The following MSI2 variants were observed in gnomAD, a reference collection of about 807,000 sequenced individuals.
The protein encoded by MSI2 is musashi RNA binding protein 2, also known as RNA-binding protein Musashi homolog 2.
Under a neutral mutation model 45.6 loss-of-function variants are expected in MSI2, and 17 were observed. The ratio of observed to expected loss-of-function variants is 0.37; its 90% CI spans 0.26 to 0.56. The LOEUF (loss-of-function observed/expected upper bound fraction) is 0.56, where lower values mean the gene tolerates loss of function less well. MSI2 is among the 20% of genes least tolerant of loss of function. The pLI, the probability that MSI2 is intolerant of heterozygous loss-of-function variation, is 0.77. For missense variants in MSI2, 293 were observed against 444.2 expected (o/e 0.66, Z 3.06); for synonymous variants, 156 against 158.2 (o/e 0.99, Z 0.11).
chr17:57,653,392 T>C (rs565571678), intron 11 of MSI2, among the ~76,000 whole-genome samples: 1 of 152,116 alleles, frequency 6.6e-6, no homozygotes, highest in South Asian at 2.1e-4. Flanking sequence ...GGCAGGCAGG[T>C]CCAGAGAGTG....
chr17:57,554,148 G>A (rs1047959013), intron 7 of MSI2, among the ~76,000 whole-genome samples: 2 of 151,720 alleles, frequency 1.3e-5, no homozygotes, highest in African/African-American at 2.4e-5. Flanking sequence ...GCTGGTAAAC[G>A]CTGCTTTGTT....
intron 5 of MSI2, among the ~76,000 whole-genome samples, chr17:57,395,216 G>C (rs1479552745): frequency 6.6e-6 from 1 of 152,174 alleles, no homozygotes; most frequent in Non-Finnish European, 1.5e-5. Context: ...CTATGTCCAG[G>C]ATAACTTCAT....
chr17:57,494,016 G>A (rs548072406), intron 6 of MSI2, among the ~76,000 whole-genome samples: 9 of 152,240 alleles, frequency 5.9e-5, no homozygotes, highest in East Asian at 1.9e-4. Flanking sequence ...TTGTACCCTC[G>A]GGGTTCTGCC....
At chr17:57,694,109 T>A in the MSI2 span, among the ~76,000 whole-genome samples, 1 of 152,216 alleles carries the variant, frequency 6.6e-6, no homozygotes, top group Non-Finnish European at 1.5e-5. Flanking sequence ...AGTTGAATAG[T>A]TGCAACAGAG....
rs1262317057 is a variant in MSI2, at chr17:57,357,883, TGA to T, written c.313-43494_313-43493del. ...AAGGTGCTCTGTTGTTTCTCTTGACTGAGTCTTTGCCCTTACCTTTGACCTTA... is the reference window on the plus strand; with the variant it reads ...AAGGTGCTCTGTTGTTTCTCTTGACTGTCTTTGCCCTTACCTTTGACCTTA... On this transcript the variant is annotated intron_variant, in intron 5 of 13. Transcript: ENST00000284073. 2.0e-5 allele frequency among the ~76,000 whole-genome samples: 3 copies of T among 152,236 alleles called. 1 individual carries two copies. In the East Asian group the frequency reaches 5.8e-4, roughly 29 times the overall value.
chr17:57,689,146 A>G (rs988542333), downstream of MSI2, among the ~76,000 whole-genome samples: 2 of 151,366 alleles, frequency 1.3e-5, no homozygotes, highest in African/African-American at 4.9e-5. Context: ...GGGAAGAGAA[A>G]GTCAATTGTA....
intron 7 of MSI2, among the ~76,000 whole-genome samples, chr17:57,568,644 T>A (rs2087797172): frequency 6.6e-6 from 1 of 152,240 alleles, no homozygotes; most frequent in Non-Finnish European, 1.5e-5. Context: ...TTCTTTTTCC[T>A]GATAGAGGCC....
At chr17:57,333,587 G>A (rs1218511973) in intron 5 of MSI2, among the ~76,000 whole-genome samples, 1 of 151,990 alleles carries the variant, frequency 6.6e-6, no homozygotes, top group South Asian at 2.1e-4. Flanking sequence ...ACAGGTGTGT[G>A]CCACCACACC....
At chr17:57,617,977 A>C (rs930489267) in intron 9 of MSI2, 4 of 152,174 alleles carry the variant, frequency 2.6e-5, no homozygotes, top group Non-Finnish European at 5.9e-5. Flanking sequence ...AAGCTGAAGC[A>C]GGAGAATCGC....
At chr17:57,502,838 C>G (rs1410282618) in intron 6 of MSI2, among the ~76,000 whole-genome samples, 1 of 151,846 alleles carries the variant, frequency 6.6e-6, no homozygotes, top group Non-Finnish European at 1.5e-5. Flanking sequence ...TACAGCCCAC[C>G]CTCCATGGCC....
At chr17:57,378,029 T>G (rs1309207884) in intron 5 of MSI2, among the ~76,000 whole-genome samples, 1 of 149,530 alleles carries the variant, frequency 6.7e-6, no homozygotes, top group African/African-American at 2.5e-5. Context: ...GAACCGAGAT[T>G]GCACCACTGC....
At chr17:57,585,113 G>T (rs987190552) in intron 7 of MSI2, among the ~76,000 whole-genome samples, 5 of 151,980 alleles carry the variant, frequency 3.3e-5, no homozygotes, top group Non-Finnish European at 7.4e-5. Context: ...CCACCACCAC[G>T]CCCAGCCCTC....
intron 6 of MSI2, among the ~76,000 whole-genome samples, chr17:57,443,066 G>A (rs1030742461): frequency 1.3e-5 from 2 of 152,132 alleles, no homozygotes; most frequent in South Asian, 2.1e-4. Context: ...TACCGTTTGC[G>A]GCCTGTCTGC....
chr17:57,486,831 C>T (rs1006618746), intron 6 of MSI2, among the ~76,000 whole-genome samples: 9 of 152,114 alleles, frequency 5.9e-5, no homozygotes, highest in African/African-American at 2.2e-4. Context: ...CGGAGAACTT[C>T]GTTTGTCCAA....
At chr17:57,401,295 G>A in intron 5 of MSI2, 84 bp from the exon 6 acceptor site, 2 of 1,117,354 alleles carry the variant, frequency 1.8e-6, no homozygotes, top group African/African-American at 1.5e-5. Flanking sequence ...GAGAAATGTG[G>A]AGAGCAGATT....
chr17:57,686,526 A>C (rs1430628953), downstream of MSI2, among the ~76,000 whole-genome samples: 1 of 152,210 alleles, frequency 6.6e-6, no homozygotes, highest in Non-Finnish European at 1.5e-5. Flanking sequence ...GTATACAAAC[A>C]CACTTAAAGT....
intron 8 of MSI2, among the ~76,000 whole-genome samples, chr17:57,604,949 G>A (rs375382293): frequency 4.3e-5 from 6 of 139,646 alleles, no homozygotes; most frequent in Admixed American, 7.1e-5. Flanking sequence ...AAAGTGGTGG[G>A]TGTATTTGTG....
At chr17:57,258,931 T>G (rs544166281) in intron 4 of MSI2, among the ~76,000 whole-genome samples, 1 of 142,704 alleles carries the variant, frequency 7.0e-6, no homozygotes, top group East Asian at 2.1e-4. Flanking sequence ...TGATAAGGCC[T>G]GGGGGTTTCA....
chr17:57,491,454 G>A (rs1215289913), intron 6 of MSI2, among the ~76,000 whole-genome samples: 1 of 152,238 alleles, frequency 6.6e-6, no homozygotes, highest in Non-Finnish European at 1.5e-5. Context: ...GACACTTGGG[G>A]CAGAGGCAGC....
Sources: gnomAD v4.1 joint callset for allele counts (sites outside exome capture counted in the v4.1 genomes callset) on GRCh38, gnomAD v4.1.1 for gene constraint, MANE v1.5 for transcripts, NCBI Gene and HGNC (gene_info 2026-07-23, HGNC 2026-07-21) for gene names.